The following TBC1D5 variants were observed in gnomAD, a reference collection of about 807,000 sequenced individuals.
TBC1D5 encodes TBC1 domain family, member 5.
TBC1D5 carries 75 observed loss-of-function variants against 100.3 expected under a neutral mutation model. The observed-to-expected ratio is 0.75, with a 90% CI of 0.62 to 0.91. TBC1D5 has a LOEUF of 0.91. TBC1D5 is among the 40% of genes least tolerant of loss of function. The pLI is 0.00. For synonymous variants in TBC1D5, 323 were observed against 325.6 expected, an observed-to-expected ratio of 0.99 and a Z score of 0.09; for missense variants, 910 against 942.4, an observed-to-expected ratio of 0.97 and a Z score of 0.45.
intron 2 of TBC1D5, among the ~76,000 whole-genome samples, chr3:17,517,800 T>C (rs2096010019): frequency 6.6e-6 from 1 of 152,182 alleles, no homozygotes; most frequent in African/African-American, 2.4e-5. Flanking sequence ...TTTTGAAAGA[T>C]GTTTTTACTT....
At chr3:17,660,807 G>A (rs2066569658) in intron 1 of TBC1D5, among the ~76,000 whole-genome samples, 1 of 152,022 alleles carries the variant, frequency 6.6e-6, no homozygotes, top group African/African-American at 2.4e-5. Flanking sequence ...AGACTATTTG[G>A]GAGTTTCTGT....
intron 1 of TBC1D5, among the ~76,000 whole-genome samples, chr3:17,722,354 G>A (rs920339834): frequency 6.6e-6 from 1 of 151,930 alleles, no homozygotes; most frequent in Non-Finnish European, 1.5e-5. Context: ...CTGGAGATGG[G>A]ACCCTAGTAT....
chr3:17,295,796 C>G (rs182906417), intron 14 of TBC1D5, among the ~76,000 whole-genome samples: 1 of 152,266 alleles, frequency 6.6e-6, no homozygotes, highest in Non-Finnish European at 1.5e-5. Flanking sequence ...CCCGACTCCC[C>G]AAAAATATCA....
At chr3:17,229,378 T>C (rs972161181) in intron 17 of TBC1D5, among the ~76,000 whole-genome samples, 2 of 152,152 alleles carry the variant, frequency 1.3e-5, no homozygotes, top group Non-Finnish European at 2.9e-5. Context: ...CAGGTTGTAC[T>C]TGAAGCCCCT....
intron 1 of TBC1D5, among the ~76,000 whole-genome samples, chr3:17,722,094 A>G (rs979371550): frequency 2.0e-5 from 3 of 152,240 alleles, no homozygotes; most frequent in African/African-American, 4.8e-5. Flanking sequence ...ATCAACAGGT[A>G]AAGCCTTATT....
chr3:17,390,929 A>T (rs1262825277), intron 8 of TBC1D5, among the ~76,000 whole-genome samples: 3 of 152,056 alleles, frequency 2.0e-5, no homozygotes, highest in African/African-American at 7.2e-5. Flanking sequence ...GCAGGCACAT[A>T]GCTGGATTTA....
intron 18 of TBC1D5, among the ~76,000 whole-genome samples, chr3:17,193,793 T>C (rs1189943873): frequency 1.3e-5 from 2 of 152,210 alleles, no homozygotes; most frequent in African/African-American, 4.8e-5. Context: ...CTTATAGCGT[T>C]GCTTGAGGAT....
rs149397448 is a variant in TBC1D5, at chr3:17,635,539, G to A, written c.-100-11626C>T. 6.6e-4 allele frequency among the ~76,000 whole-genome samples: 100 copies of A among 152,206 alleles called. 3 individuals are homozygous for A. The East Asian group carries it at 0.019, about 29-fold the overall frequency. On this transcript the variant is annotated intron_variant, in intron 1 of 21. Transcript: ENST00000253692. The stretch of plus-strand genomic sequence containing the variant: ...CTACTAAAAATACAAAATTAGCCGG[G>A]CATGGTGGCACATGGCTGTAATCCC...
At chr3:17,250,579 C>T (rs1295625668) in intron 16 of TBC1D5, among the ~76,000 whole-genome samples, 2 of 152,216 alleles carry the variant, frequency 1.3e-5, no homozygotes, top group Non-Finnish European at 2.9e-5. Flanking sequence ...ATTTCTCAAG[C>T]GCAGAATCAT....
chr3:17,220,768 G>A (rs2074188190), intron 17 of TBC1D5, among the ~76,000 whole-genome samples: 1 of 152,032 alleles, frequency 6.6e-6, no homozygotes, highest in African/African-American at 2.4e-5. Context: ...GTGGAAAATG[G>A]TAGCTAAACC....
intron 2 of TBC1D5, among the ~76,000 whole-genome samples, chr3:17,592,662 T>C (rs1449851422): frequency 2.0e-5 from 3 of 152,166 alleles, no homozygotes; most frequent in South Asian, 2.1e-4. Context: ...CTGCAACAAG[T>C]CCGAGCTATT....
chr3:17,742,327 G>A (rs530501066), upstream of TBC1D5, among the ~76,000 whole-genome samples: 68 of 152,338 alleles, frequency 4.5e-4, no homozygotes, highest in African/African-American at 1.5e-3. Context: ...GGCGGCTGCG[G>A]CTGCAGCAGC....
At chr3:17,591,504 T>C (rs762774401) in intron 2 of TBC1D5, among the ~76,000 whole-genome samples, 29 of 152,156 alleles carry the variant, frequency 1.9e-4, no homozygotes, top group Admixed American at 9.8e-4. Flanking sequence ...GGGGGACTAC[T>C]GGACACTGGC....
At chr3:17,545,605 C>T (rs1251392627) in intron 2 of TBC1D5, among the ~76,000 whole-genome samples, 1 of 152,126 alleles carries the variant, frequency 6.6e-6, no homozygotes, top group Non-Finnish European at 1.5e-5. Context: ...TACTTACAGT[C>T]CAATGACTTA....
At chr3:17,216,000 A>G (rs1430597255) in intron 17 of TBC1D5, among the ~76,000 whole-genome samples, 1 of 152,146 alleles carries the variant, frequency 6.6e-6, no homozygotes, top group Non-Finnish European at 1.5e-5. Flanking sequence ...CCCAGAGTGC[A>G]GAACCTAGGG....
At chr3:17,268,457 A>AC (rs2079051299) in intron 15 of TBC1D5, among the ~76,000 whole-genome samples, 1 of 151,514 alleles carries the variant, frequency 6.6e-6, no homozygotes, top group Non-Finnish European at 1.5e-5. Flanking sequence ...AATAAAGAAA[A>AC]TAAAAAAATA....
At chr3:17,726,349 A>T (rs770772327) in intron 1 of TBC1D5, among the ~76,000 whole-genome samples, 5 of 152,192 alleles carry the variant, frequency 3.3e-5, no homozygotes, top group Non-Finnish European at 5.9e-5. Context: ...AGCATTCCTT[A>T]TTCTATAAAA....
intron 2 of TBC1D5, among the ~76,000 whole-genome samples, chr3:17,546,712 G>A (rs1295578685): frequency 2.0e-5 from 3 of 151,612 alleles, no homozygotes; most frequent in African/African-American, 4.8e-5. Context: ...GAATCTGGGA[G>A]GCAGAGGTGG....
intron 1 of TBC1D5, among the ~76,000 whole-genome samples, chr3:17,693,145 T>C (rs1013032421): frequency 1.3e-5 from 2 of 152,210 alleles, no homozygotes; most frequent in African/African-American, 2.4e-5. Context: ...ACAGCTTCAG[T>C]CTGCAGCTCC....
Sources: allele counts gnomAD v4.1 joint callset (sites outside exome capture counted in the v4.1 genomes callset), GRCh38; gene constraint gnomAD v4.1.1; transcripts MANE v1.5; gene names NCBI Gene and HGNC (gene_info 2026-07-23, HGNC 2026-07-21).